The following ERICH6B variants were observed in gnomAD, a reference collection of about 807,000 sequenced individuals.
The protein encoded by ERICH6B is glutamate-rich protein 6B.
A neutral mutation model predicts 80.0 loss-of-function variants in ERICH6B; 69 were observed. That is an observed-to-expected ratio of 0.86 (90% CI 0.71 to 1.05). The LOEUF (loss-of-function observed/expected upper bound fraction) is 1.05. Ranked by LOEUF, ERICH6B falls within the 50% of genes least tolerant of loss-of-function variation. ERICH6B has a pLI of 0.00. For synonymous variants in ERICH6B, 283 were observed against 291.9 expected (o/e 0.97, Z 0.31); for missense variants, 754 against 796.1 (o/e 0.95, Z 0.64).
chr13:45,568,593 G>A, intron 8 of ERICH6B, 142 bp from the exon 9 acceptor site: 1 of 791,052 alleles, frequency 1.3e-6, no homozygotes, highest in Non-Finnish European at 1.9e-6. Context: ...CAGGGGCAGG[G>A]GGAGGGAGAG....
At chr13:45,541,713 G>C in intron 14 of ERICH6B, 33 bp from the exon 15 acceptor site, 1 of 1,542,632 alleles carries the variant, frequency 6.5e-7, no homozygotes, top group Non-Finnish European at 8.8e-7. Context: ...GGGTGAGAAT[G>C]CATGCTGCCT....
chr13:45,575,504 G>T (rs1040221009), intron 7 of ERICH6B, among the ~76,000 whole-genome samples: 12 of 152,172 alleles, frequency 7.9e-5, no homozygotes, highest in Non-Finnish European at 1.2e-4. Context: ...GACCTTGTAG[G>T]CTGTGGGAAG....
rs367933117 is a variant in ERICH6B, at chr13:45,547,586, G to A, written c.1646+2307C>T. Among the ~76,000 whole-genome samples, 5 of 152,280 alleles carry A rather than the reference G, an allele frequency of 3.3e-5. No individual in the cohort carries two copies. In the South Asian group the frequency reaches 6.2e-4, roughly 19 times the overall value. On this transcript the variant is annotated intron_variant, in intron 13 of 14. Transcript: ENST00000298738. ...GATTTAAAGTGAGAATGTTACATAA[G>A]ATGTATGAAGAAGCACGTTGAGCCA...
At chr13:45,568,202 G>T in intron 9 of ERICH6B, 113 bp downstream of exon 9, 1 of 1,213,866 alleles carries the variant, frequency 8.2e-7, no homozygotes, top group Non-Finnish European at 1.1e-6. Context: ...CAGGGAACCT[G>T]TCTGGTCCTG....
chr13:45,558,821 G>A (rs1874544255), intron 11 of ERICH6B, among the ~76,000 whole-genome samples: 1 of 152,110 alleles, frequency 6.6e-6, no homozygotes, highest in Non-Finnish European at 1.5e-5. Context: ...ATATGTTATT[G>A]GATTCGGTTA....
At position 45,606,535 on chromosome 13, in the gene ERICH6B, ATATATATATATATTTTTTTTTTT is replaced by A. The variant is rs1566307851; in HGVS notation, c.-59+1006_-59+1028del. The stretch of plus-strand genomic sequence containing the variant: ...TATATATATATATATATATATATAT[ATATATATATATATTTTTTTTTTT>A]TTTTTTTTTTTTGGAGACAGAGTCT... On this transcript the variant is annotated intron_variant, in intron 2 of 14. Transcript: ENST00000298738. Among the ~76,000 whole-genome samples, 140 of 14,458 alleles carry A rather than the reference ATATATATATATATTTTTTTTTTT, an allele frequency of 9.7e-3. 4 individuals are homozygous for A. The highest frequency in any genetic ancestry group is 0.036 in the South Asian group (14 of 384). 9.5% of individuals were successfully genotyped at this position (14,458 alleles called of 152,430 possible). A position where few individuals can be genotyped will look rare whatever the true frequency, so the allele number is the denominator to read the frequency against.
intron 11 of ERICH6B, among the ~76,000 whole-genome samples, chr13:45,551,013 A>T (rs1348305690): frequency 6.6e-6 from 1 of 152,142 alleles, no homozygotes; most frequent in Non-Finnish European, 1.5e-5. Flanking sequence ...GTATACTCAA[A>T]TTTTTTATTT....
intron 11 of ERICH6B, among the ~76,000 whole-genome samples, chr13:45,561,162 G>C (rs1196296612): frequency 6.6e-6 from 1 of 152,108 alleles, no homozygotes; most frequent in Non-Finnish European, 1.5e-5. Context: ...AGACCCTGCA[G>C]GCAGAAGACT....
chr13:45,579,271 C>T (rs981485793), intron 7 of ERICH6B, among the ~76,000 whole-genome samples: 7 of 152,120 alleles, frequency 4.6e-5, no homozygotes, highest in African/African-American at 1.7e-4. Flanking sequence ...TTTGATAAGC[C>T]ATGGGGTGGG....
In ERICH6B at chr13:45,596,553, A is replaced by G; in HGVS notation, c.453T>C (p.Tyr151=). The G allele has an allele frequency of 6.4e-7, 1 of 1,551,034 alleles. No individual in the cohort carries two copies. Among genetic ancestry groups the G allele is most frequent in the South Asian group, 1.2e-5 (1 of 84,000 alleles). The change falls in exon 3 of 15, where the codon TAT becomes TAC. Residue 151 remains tyrosine, a synonymous_variant. Transcript: ENST00000298738. ...TCCCCAGATAATCTACCTCCTCAATATAATCTTCCTTCTCCAGATACCCTT... is the reference window on the plus strand; with the variant it reads ...TCCCCAGATAATCTACCTCCTCAATGTAATCTTCCTTCTCCAGATACCCTT... ...GKEGYLEKED[Y]IEEVDYLGKK...
Position 45,598,240 on chromosome 13 carries a change from T to C in ERICH6B, c.-58-1177A>G, listed in dbSNP as rs938940582. 1.2e-4 allele frequency among the ~76,000 whole-genome samples: 19 copies of C among 152,322 alleles called. 1 individual carries two copies. The East Asian group carries it at 3.5e-3, about 28-fold the overall frequency. Reference sequence around the variant, plus strand: ...CTTCCATTAGGTGTAAATGTCTCAATGATAGTGACCTTCTATAATCTGTTC... The same window carrying C: ...CTTCCATTAGGTGTAAATGTCTCAACGATAGTGACCTTCTATAATCTGTTC... On this transcript the variant is annotated intron_variant, in intron 2 of 14. Transcript: ENST00000298738.
At chr13:45,564,080 G>C (rs1874813012) in intron 9 of ERICH6B, among the ~76,000 whole-genome samples, 1 of 152,218 alleles carries the variant, frequency 6.6e-6, no homozygotes. Context: ...GGGGGCAGCT[G>C]ACAGAGCAGG....
At chr13:45,601,474 T>C (rs1459292159) in intron 2 of ERICH6B, among the ~76,000 whole-genome samples, 2 of 152,182 alleles carry the variant, frequency 1.3e-5, no homozygotes, top group African/African-American at 4.8e-5. Context: ...AGCCCTCCCC[T>C]GGGAGAGGTG....
At chr13:45,543,354 C>T (rs35225990) in intron 14 of ERICH6B, among the ~76,000 whole-genome samples, 7,240 of 152,222 alleles carry the variant, frequency 0.048, 205 homozygotes, top group Non-Finnish European at 0.065. Context: ...CAAGTCCTAA[C>T]CCCAGTGCTG....
At chr13:45,584,197 T>C (rs1875798921) in intron 5 of ERICH6B, among the ~76,000 whole-genome samples, 1 of 152,244 alleles carries the variant, frequency 6.6e-6, no homozygotes, top group Non-Finnish European at 1.5e-5. Flanking sequence ...TTAGAATTTC[T>C]GGCTGACTTG....
chr13:45,604,618 GT>G (rs1474387493), intron 2 of ERICH6B, among the ~76,000 whole-genome samples: 1 of 152,120 alleles, frequency 6.6e-6, no homozygotes, highest in African/African-American at 2.4e-5. Flanking sequence ...AGAAAAAATT[GT>G]TTTCTACCTG....
At chr13:45,587,719 G>C (rs369049302) in intron 4 of ERICH6B, among the ~76,000 whole-genome samples, 1 of 152,194 alleles carries the variant, frequency 6.6e-6, no homozygotes, top group East Asian at 1.9e-4. Context: ...CTGAGGGCGG[G>C]GCACTGGGTG....
chr13:45,612,372 G>C (rs1886807), intron 1 of ERICH6B, among the ~76,000 whole-genome samples: 1 of 152,238 alleles, frequency 6.6e-6, no homozygotes, highest in Non-Finnish European at 1.5e-5. Context: ...TAAGCAGAAA[G>C]ACAGGAAAAT....
intron 2 of ERICH6B, among the ~76,000 whole-genome samples, chr13:45,605,354 C>A (rs1566307072): frequency 6.6e-6 from 1 of 152,246 alleles, no homozygotes; most frequent in Non-Finnish European, 1.5e-5. Context: ...AAAGGTTCTT[C>A]TGTTTCCAGA....
Sources: allele counts gnomAD v4.1 joint callset (sites outside exome capture counted in the v4.1 genomes callset), GRCh38; gene constraint gnomAD v4.1.1; transcripts MANE v1.5; gene names NCBI Gene and HGNC (gene_info 2026-07-23, HGNC 2026-07-21).